FFAR1: variants seen among roughly 807,000 people sequenced by gnomAD.
FFAR1 encodes the protein free fatty acid receptor 1, also known as G-protein coupled receptor 40.
For synonymous variants in FFAR1, 216 were observed against 201.5 expected (o/e 1.07, Z -0.61); for missense variants, 424 against 396.2 (o/e 1.07, Z -0.60).
chr19:35,352,634 C>CCT (rs2066950857), exon 1 of FFAR1: 1 of 662,734 alleles, frequency 1.5e-6, no homozygotes, highest in South Asian at 2.0e-5. Context: ...GAGCACCGAG[C>CCT]CAGAGCACGG....
chr19:35,348,495 A>G (rs1041177633), upstream of FFAR1, among the ~76,000 whole-genome samples: 5 of 152,204 alleles, frequency 3.3e-5, no homozygotes, highest in Non-Finnish European at 7.3e-5. Flanking sequence ...GCTACTTGGG[A>G]GGCTGAGGCA....
At chr19:35,353,012 C>T in exon 1 of FFAR1, 1 of 167,364 alleles carries the variant, frequency 6.0e-6, no homozygotes, top group Non-Finnish European at 1.3e-5. Context: ...AGGGAAAATG[C>T]AAGGTCCCGC....
chr19:35,351,742 T>C (rs959003243), exon 1 of FFAR1: 6 of 1,563,622 alleles, frequency 3.8e-6, no homozygotes, highest in Non-Finnish European at 5.2e-6. Context: ...CTGAAGGCGG[T>C]GGAGGCGCTA....
exon 1 of FFAR1, chr19:35,351,798 G>C (rs768158175): frequency 8.8e-6 from 14 of 1,598,334 alleles, no homozygotes; most frequent in Admixed American, 5.2e-5. Flanking sequence ...CCCCGTCTTC[G>C]CGGTGGCCCA....
chr19:35,348,381 C>T (rs1172136930), upstream of FFAR1, among the ~76,000 whole-genome samples: 1 of 152,168 alleles, frequency 6.6e-6, no homozygotes, highest in Non-Finnish European at 1.5e-5. Flanking sequence ...GGCAGATCAC[C>T]TGAGGTCAGG....
chr19:35,351,625 T>A (rs981781717), exon 1 of FFAR1: 12 of 1,543,704 alleles, frequency 7.8e-6, no homozygotes, highest in Non-Finnish European at 1.0e-5. Context: ...CTCAACGTCC[T>A]GGCCATCCGA....
chr19:35,348,594 G>A (rs1409102533), upstream of FFAR1, among the ~76,000 whole-genome samples: 2 of 152,166 alleles, frequency 1.3e-5, no homozygotes, highest in Non-Finnish European at 2.9e-5. Context: ...GTGAGACTCC[G>A]CCTCAAAACA....
chr19:35,348,227 C>T (rs184902343), upstream of FFAR1, among the ~76,000 whole-genome samples: 5 of 152,324 alleles, frequency 3.3e-5, no homozygotes, highest in East Asian at 5.8e-4. Context: ...AGGCCTTGAT[C>T]GCCCCATCAA....
At chr19:35,348,468 T>C (rs1227927638), upstream of FFAR1, among the ~76,000 whole-genome samples, 1 of 152,112 alleles carries the variant, frequency 6.6e-6, no homozygotes, top group African/African-American at 2.4e-5. Context: ...GCGTGGTGAT[T>C]CACACCTGTA....
exon 1 of FFAR1, chr19:35,352,229 C>T (rs780640960): frequency 7.7e-6 from 12 of 1,566,518 alleles, no homozygotes; most frequent in East Asian, 4.7e-5. Flanking sequence ...CCTGGGTGGC[C>T]GGCGGGGCCC....
chr19:35,352,616 C>A (rs1164418364), exon 1 of FFAR1: 2 of 735,992 alleles, frequency 2.7e-6, no homozygotes, highest in East Asian at 5.4e-5. Flanking sequence ...GCACCCCAGT[C>A]AAGAGAGGAG....
chr19:35,348,293 G>C (rs1351535392), upstream of FFAR1, among the ~76,000 whole-genome samples: 1 of 152,224 alleles, frequency 6.6e-6, no homozygotes. Flanking sequence ...CTGGAGGAAG[G>C]TGAGGCTTTA....
exon 1 of FFAR1, chr19:35,351,619 A>G (rs1599701371): frequency 6.5e-7 from 1 of 1,542,950 alleles, no homozygotes; most frequent in Non-Finnish European, 8.7e-7. Context: ...TTCCCGCTCA[A>G]CGTCCTGGCC....
At chr19:35,348,801 C>G (rs2066932186), upstream of FFAR1, among the ~76,000 whole-genome samples, 1 of 152,114 alleles carries the variant, frequency 6.6e-6, no homozygotes, top group Non-Finnish European at 1.5e-5. Flanking sequence ...GATCTCTAGT[C>G]GAGAGCCGCC....
At chr19:35,351,879 T>C in exon 1 of FFAR1, 1 of 1,613,782 alleles carries the variant, frequency 6.2e-7, no homozygotes, top group African/African-American at 1.3e-5. Flanking sequence ...GGGAGCAGCC[T>C]TCCCCTTGGG....
Position 35,352,362 on chromosome 19 carries a change from C to T in FFAR1, c.811C>T (p.Leu271Phe), listed in dbSNP as rs1328559007. 1.3e-5 allele frequency: 20 copies of T among 1,552,662 alleles called. No homozygotes were observed. In the Admixed American group the frequency reaches 3.9e-4, roughly 30 times the overall value. The stretch of plus-strand genomic sequence containing the variant: ...CATCACGGGTGCCTGGAGTGTGGTG[C>T]TTAATCCGCTGGTGACCGGTTACTT... Residue 271 changes from leucine to phenylalanine, a missense_variant, in exon 1 of 1, where the codon CTT becomes TTT. Physicochemically the swap from Leu to Phe is conservative, Grantham distance 22. Transcript: ENST00000246553.
At chr19:35,352,774 T>C in exon 1 of FFAR1, 1 of 404,100 alleles carries the variant, frequency 2.5e-6, no homozygotes, top group South Asian at 3.2e-5. Context: ...GCCTTGTACT[T>C]ACGGGAAGGA....
At chr19:35,349,956 G>A (rs554919403), upstream of FFAR1, among the ~76,000 whole-genome samples, 4 of 152,328 alleles carry the variant, frequency 2.6e-5, no homozygotes, top group Admixed American at 1.3e-4. Context: ...GGAGGCTCAG[G>A]TGACCCCAGT....
At chr19:35,353,668 T>C (rs1250382371) in exon 1 of FFAR1, 1 of 152,236 alleles carries the variant, frequency 6.6e-6, no homozygotes, top group African/African-American at 2.4e-5. Context: ...ATAAGAGAAG[T>C]TGTCTGTCTC....
Sources: gnomAD v4.1 joint callset for allele counts (sites outside exome capture counted in the v4.1 genomes callset) on GRCh38, gnomAD v4.1.1 for gene constraint, MANE v1.5 for transcripts, NCBI Gene and HGNC (gene_info 2026-07-23, HGNC 2026-07-21) for gene names.